PTPRD: variants seen among roughly 807,000 people sequenced by gnomAD.
PTPRD encodes the protein protein tyrosine phosphatase receptor type D.
In PTPRD, 34 loss-of-function variants were observed where a neutral mutation model predicts 214.5. That is an observed-to-expected ratio of 0.16 (90% confidence interval 0.12 to 0.21). The LOEUF (loss-of-function observed/expected upper bound fraction) is 0.21, where lower values mean the gene tolerates loss of function less well. PTPRD is among the 10% of genes least tolerant of loss of function. The probability of loss-of-function intolerance (pLI) is 1.00; values close to 1 mark genes in which losing one functional copy is unlikely to be tolerated. For synonymous variants in PTPRD, 1,128 were observed against 845.7 expected (o/e 1.33, Z -5.79); for missense variants, 2,545 against 2,398.7 (o/e 1.06, Z -1.27).
chr9:9,878,244 T>C (rs769262988), intron 5 of PTPRD, among the ~76,000 whole-genome samples: 6 of 152,098 alleles, frequency 3.9e-5, no homozygotes, highest in Non-Finnish European at 7.4e-5. Flanking sequence ...TTTAGTCACA[T>C]AGGAATATAT....
chr9:9,076,817 C>G (rs1162816150), intron 10 of PTPRD, among the ~76,000 whole-genome samples: 1 of 149,816 alleles, frequency 6.7e-6, no homozygotes, highest in Non-Finnish European at 1.5e-5. Context: ...GGTTATATAC[C>G]TAGCTGTGGG....
chr9:9,961,235 A>T (rs1006775864), intron 4 of PTPRD, among the ~76,000 whole-genome samples: 1 of 152,164 alleles, frequency 6.6e-6, no homozygotes, highest in Non-Finnish European at 1.5e-5. Flanking sequence ...GGATTACTAT[A>T]TGTATCTTGC....
At chr9:8,522,315 T>C (rs1434429868) in intron 19 of PTPRD, among the ~76,000 whole-genome samples, 4 of 151,672 alleles carry the variant, frequency 2.6e-5, no homozygotes, top group East Asian at 3.9e-4. Flanking sequence ...AAGGGGGCAA[T>C]AGAAATAAAC....
At chr9:10,336,788 G>C (rs954327220) in intron 3 of PTPRD, among the ~76,000 whole-genome samples, 1 of 151,652 alleles carries the variant, frequency 6.6e-6, no homozygotes, top group South Asian at 2.1e-4. Context: ...ACAGGGACTA[G>C]GGTATTAGAC....
At chr9:9,275,468 A>C (rs1457694194) in intron 9 of PTPRD, among the ~76,000 whole-genome samples, 1 of 150,714 alleles carries the variant, frequency 6.6e-6, no homozygotes, top group Admixed American at 6.7e-5. Flanking sequence ...GAAGAGGGTG[A>C]AACTATTTTC....
chr9:9,215,705 G>A (rs1050217804), intron 9 of PTPRD, among the ~76,000 whole-genome samples: 1 of 152,162 alleles, frequency 6.6e-6, no homozygotes, highest in Non-Finnish European at 1.5e-5. Flanking sequence ...ATTAAACCCT[G>A]CTTTACAAGT....
chr9:10,100,085 C>T (rs1233124684), intron 3 of PTPRD, among the ~76,000 whole-genome samples: 1 of 151,534 alleles, frequency 6.6e-6, no homozygotes, highest in African/African-American at 2.4e-5. Flanking sequence ...AACTGTTCTT[C>T]CATAGGATAT....
At chr9:10,554,594 G>T (rs1454559974) in intron 2 of PTPRD, among the ~76,000 whole-genome samples, 1 of 151,816 alleles carries the variant, frequency 6.6e-6, no homozygotes, top group Non-Finnish European at 1.5e-5. Context: ...TTTGACCTTT[G>T]CTATTAACAT....
chr9:10,513,752 G>A (rs2049067380), intron 2 of PTPRD, among the ~76,000 whole-genome samples: 1 of 152,122 alleles, frequency 6.6e-6, no homozygotes, highest in African/African-American at 2.4e-5. Flanking sequence ...TCAATGATTA[G>A]GGCCTCCCTG....
At chr9:9,633,060 G>A (rs971095809) in intron 7 of PTPRD, among the ~76,000 whole-genome samples, 1 of 151,984 alleles carries the variant, frequency 6.6e-6, no homozygotes, top group Non-Finnish European at 1.5e-5. Flanking sequence ...TTTGGGAGGT[G>A]GAGGCAGGTG....
At chr9:10,600,965 T>C (rs966077593) in intron 2 of PTPRD, among the ~76,000 whole-genome samples, 19 of 151,812 alleles carry the variant, frequency 1.3e-4, no homozygotes, top group African/African-American at 4.6e-4. Flanking sequence ...ATAAGCTAAC[T>C]AAATTATTCA....
chr9:9,794,304 G>A (rs2098987724), intron 5 of PTPRD, among the ~76,000 whole-genome samples: 1 of 151,836 alleles, frequency 6.6e-6, no homozygotes, highest in African/African-American at 2.4e-5. Context: ...CATGGAAGGT[G>A]TTACCAAGAA....
chr9:9,649,179 G>A (rs12351554), intron 7 of PTPRD, among the ~76,000 whole-genome samples: 1 of 151,982 alleles, frequency 6.6e-6, no homozygotes, highest in African/African-American at 2.4e-5. Context: ...TTTTCTAGGA[G>A]GCTCCTCATT....
At chr9:9,796,118 C>T (rs1279620844) in intron 5 of PTPRD, among the ~76,000 whole-genome samples, 1 of 151,964 alleles carries the variant, frequency 6.6e-6, no homozygotes, top group Non-Finnish European at 1.5e-5. Context: ...ATATTCACTT[C>T]CAAACAGAGG....
chr9:9,122,324 T>A (rs373017956), intron 10 of PTPRD, among the ~76,000 whole-genome samples: 2 of 152,188 alleles, frequency 1.3e-5, no homozygotes, highest in African/African-American at 4.8e-5. Flanking sequence ...AGAATTTCTA[T>A]TTTATTTTGT....
intron 11 of PTPRD, among the ~76,000 whole-genome samples, chr9:8,786,064 T>C (rs1477443429): frequency 6.6e-6 from 1 of 151,890 alleles, no homozygotes; most frequent in Non-Finnish European, 1.5e-5. Context: ...TGTGTGTGTG[T>C]GTGTGTACCT....
At chr9:8,586,584 C>G (rs911753910) in intron 14 of PTPRD, among the ~76,000 whole-genome samples, 2 of 152,090 alleles carry the variant, frequency 1.3e-5, no homozygotes, top group African/African-American at 2.4e-5. Flanking sequence ...AAAGTTGAGG[C>G]CCCCACAACA....
rs374315444 is a variant in PTPRD at position 8,708,705 on chromosome 9, C to T, written c.64+25075G>A. ...AAAAAAAAAAAAAAAAAAAAAAAAA[C>T]AGAGCTACCATGTGATCCAGCAATC... is the stretch of plus-strand genomic sequence containing the variant. On this transcript the variant is annotated intron_variant, in intron 12 of 45. Coordinates refer to ENST00000381196, the MANE Select transcript of PTPRD (RefSeq NM_002839.4). Among the ~76,000 whole-genome samples the T allele has an allele frequency of 6.9e-3, 247 of 35,668 alleles. 6 individuals carry two copies. Among genetic ancestry groups the T allele is most frequent in the African/African-American group, 0.011 (237 of 21,266 alleles). The allele number at this position is 35,668 out of a possible 152,430, so 23.4% of individuals were successfully genotyped here. A position where few individuals can be genotyped will look rare whatever the true frequency, so the allele number is the denominator to read the frequency against.
intron 3 of PTPRD, among the ~76,000 whole-genome samples, chr9:10,328,900 A>C (rs2096698344): frequency 6.6e-6 from 1 of 151,676 alleles, no homozygotes; most frequent in South Asian, 2.1e-4. Flanking sequence ...GTTCTTTCGC[A>C]CCTTTGTTAA....
Sources: allele counts gnomAD v4.1 joint callset (sites outside exome capture counted in the v4.1 genomes callset), GRCh38; gene constraint gnomAD v4.1.1; transcripts MANE v1.5; gene names NCBI Gene and HGNC (gene_info 2026-07-23, HGNC 2026-07-21).